CTNNA2: variants seen among roughly 807,000 people sequenced by gnomAD.
The protein encoded by CTNNA2 is catenin alpha 2.
A neutral mutation model predicts 101.0 loss-of-function variants in CTNNA2; 42 were observed. The ratio of observed to expected loss-of-function variants is 0.42; its 90% CI spans 0.32 to 0.54. The LOEUF (loss-of-function observed/expected upper bound fraction) is 0.54, where lower values mean the gene tolerates loss of function less well. Among genes scored for constraint, CTNNA2 ranks in the 20% least tolerant of loss-of-function variants. CTNNA2 has a pLI of 0.14. For missense variants in CTNNA2, 871 were observed against 1,223.1 expected, an observed-to-expected ratio of 0.71 and a Z score of 4.29; for synonymous variants, 450 against 456.4, an observed-to-expected ratio of 0.99 and a Z score of 0.18.
intron 1 of CTNNA2, among the ~76,000 whole-genome samples, chr2:79,192,992 C>T (rs1673895157): frequency 6.6e-6 from 1 of 152,152 alleles, no homozygotes; most frequent in Non-Finnish European, 1.5e-5. Flanking sequence ...TTACTATCCT[C>T]TTGAATTTAG....
chr2:80,033,845 A>G (rs1183386521), intron 7 of CTNNA2, among the ~76,000 whole-genome samples: 1 of 152,146 alleles, frequency 6.6e-6, no homozygotes, highest in Non-Finnish European at 1.5e-5. Flanking sequence ...ATCTTAAAGC[A>G]GTGAGGAAAA....
chr2:80,036,805 T>C (rs1400318959), intron 7 of CTNNA2, among the ~76,000 whole-genome samples: 1 of 146,944 alleles, frequency 6.8e-6, no homozygotes, highest in African/African-American at 2.5e-5. Flanking sequence ...CACTCACTCA[T>C]TCATTGTGTG....
intron 2 of CTNNA2, among the ~76,000 whole-genome samples, chr2:79,308,495 AT>A (rs777143000): frequency 5.1e-4 from 77 of 152,212 alleles, no homozygotes; most frequent in Non-Finnish European, 8.4e-4. Context: ...AGTGCAGAAG[AT>A]TTTTAGCTTG....
chr2:79,279,648 T>C (rs1675309450), intron 2 of CTNNA2, among the ~76,000 whole-genome samples: 2 of 152,038 alleles, frequency 1.3e-5, no homozygotes, highest in African/African-American at 4.8e-5. Flanking sequence ...ATGCATTGAG[T>C]CTGTCTAAAC....
At chr2:80,013,132 C>T (rs1284682812) in intron 7 of CTNNA2, among the ~76,000 whole-genome samples, 3 of 152,130 alleles carry the variant, frequency 2.0e-5, no homozygotes, top group Non-Finnish European at 2.9e-5. Context: ...TGCCACTGTA[C>T]TCTAGCCTGG....
chr2:79,602,006 A>T (rs1226220944), intron 1 of CTNNA2, among the ~76,000 whole-genome samples: 1 of 152,098 alleles, frequency 6.6e-6, no homozygotes, highest in Non-Finnish European at 1.5e-5. Flanking sequence ...ACAGTGTTGA[A>T]TATCACATGT....
chr2:79,262,360 G>A (rs779046628), intron 2 of CTNNA2, among the ~76,000 whole-genome samples: 17 of 152,044 alleles, frequency 1.1e-4, no homozygotes, highest in Non-Finnish European at 2.1e-4. Context: ...CAATAAATAA[G>A]TTAAAATTCA....
At chr2:80,531,716 G>A (rs1401175573) in intron 9 of CTNNA2, among the ~76,000 whole-genome samples, 1 of 152,098 alleles carries the variant, frequency 6.6e-6, no homozygotes, top group Non-Finnish European at 1.5e-5. Flanking sequence ...GACCTGGGAG[G>A]GGCACATATT....
At chr2:80,267,065 G>T (rs772455690) in intron 7 of CTNNA2, among the ~76,000 whole-genome samples, 1 of 152,140 alleles carries the variant, frequency 6.6e-6, no homozygotes, top group African/African-American at 2.4e-5. Flanking sequence ...AAACACCTAT[G>T]TCAGGCTCCC....
intron 2 of CTNNA2, among the ~76,000 whole-genome samples, chr2:79,293,797 G>A (rs1285325323): frequency 1.3e-5 from 2 of 152,068 alleles, no homozygotes; most frequent in Non-Finnish European, 2.9e-5. Flanking sequence ...TAAAATAAAA[G>A]TAAGAATTTG....
At chr2:79,247,814 T>C (rs1345726982) in intron 2 of CTNNA2, among the ~76,000 whole-genome samples, 1 of 152,138 alleles carries the variant, frequency 6.6e-6, no homozygotes, top group Non-Finnish European at 1.5e-5. Context: ...GCCATGTTGA[T>C]GGCCTCAAAG....
intron 7 of CTNNA2, among the ~76,000 whole-genome samples, chr2:80,184,995 A>G (rs1160208126): frequency 1.3e-5 from 2 of 152,184 alleles, no homozygotes; most frequent in African/African-American, 2.4e-5. Flanking sequence ...TTGCTGTGTA[A>G]TAAATTATCC....
intron 6 of CTNNA2, among the ~76,000 whole-genome samples, chr2:79,894,982 C>T (rs1405360998): frequency 6.6e-6 from 1 of 152,170 alleles, no homozygotes; most frequent in Non-Finnish European, 1.5e-5. Context: ...TGGTATATGC[C>T]ATACCAATCA....
At chr2:79,374,743 A>C (rs1280947227) in intron 4 of CTNNA2, among the ~76,000 whole-genome samples, 1 of 139,754 alleles carries the variant, frequency 7.2e-6, no homozygotes, top group African/African-American at 2.8e-5. Context: ...ATTTGATTGC[A>C]CTACAAATGT....
chr2:79,486,805 T>A (rs183006311), intron 4 of CTNNA2, among the ~76,000 whole-genome samples: 2 of 152,218 alleles, frequency 1.3e-5, no homozygotes, highest in Non-Finnish European at 2.9e-5. Flanking sequence ...TGGTTTTGAT[T>A]TGCATTTATT....
At chr2:80,287,373 ATAC>A (rs1674861448) in intron 7 of CTNNA2, among the ~76,000 whole-genome samples, 1 of 152,172 alleles carries the variant, frequency 6.6e-6, no homozygotes, top group East Asian at 1.9e-4. Flanking sequence ...GCTGTCACAT[ATAC>A]TACTTTATAT....
At chr2:80,233,021 A>G (rs1478297828) in intron 7 of CTNNA2, among the ~76,000 whole-genome samples, 1 of 152,170 alleles carries the variant, frequency 6.6e-6, no homozygotes, top group Non-Finnish European at 1.5e-5. Context: ...TTCCTAAAAT[A>G]TTCTGTGACT....
chr2:80,584,681 G>A (rs1364040413), intron 14 of CTNNA2, among the ~76,000 whole-genome samples: 3 of 151,974 alleles, frequency 2.0e-5, no homozygotes, highest in Non-Finnish European at 4.4e-5. Flanking sequence ...GTGTGACTTT[G>A]GGGCAACTTT....
At chr2:80,332,846 G>A (rs1008863081) in intron 7 of CTNNA2, among the ~76,000 whole-genome samples, 1 of 152,110 alleles carries the variant, frequency 6.6e-6, no homozygotes, top group African/African-American at 2.4e-5. Flanking sequence ...AGGGTTCAGT[G>A]GCCCTAAAGC....
Sources: gnomAD v4.1 joint callset for allele counts (sites outside exome capture counted in the v4.1 genomes callset) on GRCh38, gnomAD v4.1.1 for gene constraint, MANE v1.5 for transcripts, NCBI Gene and HGNC (gene_info 2026-07-23, HGNC 2026-07-21) for gene names.